Variants in SORBS2 observed in about 807,000 individuals in gnomAD.
SORBS2 encodes the protein sorbin and SH3 domain containing 2.
Under a neutral mutation model 97.7 loss-of-function variants are expected in SORBS2, and 46 were observed. That is an observed-to-expected ratio of 0.47 (90% CI 0.37 to 0.60). The LOEUF (loss-of-function observed/expected upper bound fraction) is 0.60, where lower values mean the gene tolerates loss of function less well. SORBS2 is among the 20% of genes least tolerant of loss of function. The pLI is 0.00. For synonymous variants in SORBS2, 476 were observed against 473.4 expected (o/e 1.01, Z -0.07); for missense variants, 1,316 against 1,282.3 (o/e 1.03, Z -0.40).
intron 1 of SORBS2, among the ~76,000 whole-genome samples, chr4:185,808,635 G>A (rs566096900): frequency 2.0e-5 from 3 of 152,282 alleles, no homozygotes; most frequent in African/African-American, 7.2e-5. Context: ...CATAACTAGT[G>A]TAACGTAACT....
intron 1 of SORBS2, among the ~76,000 whole-genome samples, chr4:185,780,402 T>C (rs1308671214): frequency 6.6e-6 from 1 of 152,184 alleles, no homozygotes; most frequent in Admixed American, 6.5e-5. Flanking sequence ...CTGGTAGCTC[T>C]GGGCACGTAG....
At chr4:185,743,847 TCC>T (rs1400482084) in intron 2 of SORBS2, among the ~76,000 whole-genome samples, 3 of 151,160 alleles carry the variant, frequency 2.0e-5, no homozygotes, top group Non-Finnish European at 4.4e-5. Context: ...CTCCTCCTCC[TCC>T]TTCTATTTTC....
At chr4:185,876,307 T>C (rs1369660628) in intron 1 of SORBS2, among the ~76,000 whole-genome samples, 1 of 152,038 alleles carries the variant, frequency 6.6e-6, no homozygotes, top group Non-Finnish European at 1.5e-5. Flanking sequence ...GGAGTTTAAC[T>C]ATATTGGCCA....
intron 1 of SORBS2, among the ~76,000 whole-genome samples, chr4:185,653,379 C>T (rs188620408): frequency 2.0e-5 from 3 of 152,172 alleles, no homozygotes; most frequent in Admixed American, 6.5e-5. Flanking sequence ...GAAGTCCTTA[C>T]GGATCCAGGC....
intron 2 of SORBS2, among the ~76,000 whole-genome samples, chr4:185,686,575 AGACAAGTGC>A (rs1361231873): frequency 2.2e-4 from 34 of 152,338 alleles, no homozygotes; most frequent in African/African-American, 7.9e-4. Flanking sequence ...AAGTGCTTAG[AGACAAGTGC>A]GTCTGATAAG....
intron 1 of SORBS2, among the ~76,000 whole-genome samples, chr4:185,827,861 CCAT>C (rs535791420): frequency 2.5e-3 from 368 of 148,686 alleles, no homozygotes; most frequent in Admixed American, 6.1e-3. Context: ...ATCAGCGTCA[CCAT>C]CATCATCATC....
intron 1 of SORBS2, among the ~76,000 whole-genome samples, chr4:185,815,663 GGA>G (rs151195751): frequency 0.011 from 1,680 of 151,238 alleles, 23 homozygotes; most frequent in East Asian, 0.043. Flanking sequence ...ACATATATAT[GGA>G]GAGAGAGAGA....
chr4:185,932,974 A>G (rs2099267182), intron 1 of SORBS2: 2 of 152,252 alleles, frequency 1.3e-5, no homozygotes, highest in African/African-American at 4.8e-5. Flanking sequence ...CTGATTCAAA[A>G]TGCTTCTCCT....
intron 4 of SORBS2, among the ~76,000 whole-genome samples, chr4:185,631,183 T>C (rs1476924183): frequency 6.6e-6 from 1 of 152,194 alleles, no homozygotes; most frequent in Admixed American, 6.5e-5. Flanking sequence ...ATAAAGTACC[T>C]GGTACTTCAA....
In SORBS2 at chr4:185,833,579, A is replaced by G. The variant is rs140099570; in HGVS notation, c.-337-58213T>C. On this transcript the variant is annotated intron_variant, in intron 1 of 20. Transcript: ENST00000284776. ...ATACTTTGGATAATAGATTACTACA[A>G]TACACAAAATACAAAAGGATTATCA... 2.6e-5 allele frequency among the ~76,000 whole-genome samples: 4 copies of G among 152,370 alleles called. No individual in the cohort carries two copies. In the East Asian group the frequency reaches 7.7e-4, roughly 29 times the overall value.
intron 1 of SORBS2, among the ~76,000 whole-genome samples, chr4:185,794,999 T>G (rs1476154428): frequency 6.6e-6 from 1 of 152,130 alleles, no homozygotes; most frequent in Non-Finnish European, 1.5e-5. Context: ...TGATTCACAG[T>G]AGGCAAGAGT....
intron 1 of SORBS2, among the ~76,000 whole-genome samples, chr4:185,884,641 A>G (rs976172114): frequency 2.6e-5 from 4 of 152,190 alleles, no homozygotes; most frequent in Non-Finnish European, 5.9e-5. Context: ...CTGAGCAGGC[A>G]GTTGACCACT....
At chr4:185,678,876 C>G (rs2097833904) in intron 2 of SORBS2, 54 bp from the exon 6 acceptor site, 1 of 1,112,472 alleles carries the variant, frequency 9.0e-7, no homozygotes, top group Admixed American at 3.4e-5. Flanking sequence ...AATGAACAAC[C>G]CAGTAAAAAT....
chr4:185,694,392 G>A (rs1247485463), intron 2 of SORBS2, among the ~76,000 whole-genome samples: 1 of 152,178 alleles, frequency 6.6e-6, no homozygotes, highest in African/African-American at 2.4e-5. Flanking sequence ...ACTACCTTGA[G>A]CCTTAGCAGA....
At chr4:185,733,752 T>A (rs1421562119) in intron 2 of SORBS2, among the ~76,000 whole-genome samples, 1 of 152,110 alleles carries the variant, frequency 6.6e-6, no homozygotes, top group Non-Finnish European at 1.5e-5. Flanking sequence ...TAAGGCAGAG[T>A]GAAGAATTCA....
Position 185,729,991 on chromosome 4 carries a change from C to T in SORBS2, c.-198+45236G>A, listed in dbSNP as rs976121523. On this transcript the variant is annotated intron_variant, in intron 2 of 20. Transcript: ENST00000284776. ...TTTTTGAGATGGAGTCTTGCTCTAT[C>T]GCCCAGACTGGAGTGCAGTAGAGCC... is the stretch of plus-strand genomic sequence containing the variant. Among the ~76,000 whole-genome samples the T allele has an allele frequency of 8.6e-5, 13 of 151,968 alleles. No homozygotes were observed. The East Asian group carries it at 1.5e-3, about 18-fold the overall frequency.
chr4:185,658,821 C>T (rs1474061545), upstream of SORBS2, among the ~76,000 whole-genome samples: 2 of 151,266 alleles, frequency 1.3e-5, no homozygotes, highest in Non-Finnish European at 2.9e-5. Context: ...GCTGGGACTA[C>T]AGGTGCGTGC....
chr4:185,806,434 C>CTGTTTTTTTTTTTTTT lies in SORBS2; in HGVS notation c.-337-31069_-337-31068insAAAAAAAAAAAAAACA, dbSNP rs2099153884. ...AGTGGCACAGCTCTTGGCTAGAATC[C>CTGTTTTTTTTTTTTTT]TATTTTTTTTTTTTTTTTTTTTTTT... is the stretch of plus-strand genomic sequence containing the variant. On this transcript the variant is annotated intron_variant, in intron 1 of 20. Transcript: ENST00000284776. Among the ~76,000 whole-genome samples the CTGTTTTTTTTTTTTTT allele has an allele frequency of 1.6e-4, 17 of 108,150 alleles. 7 individuals carry two copies. Among genetic ancestry groups the CTGTTTTTTTTTTTTTT allele is most frequent in the African/African-American group, 4.0e-4 (11 of 27,296 alleles). 71.0% of individuals were successfully genotyped at this position (108,150 alleles called of 152,430 possible). A position where few individuals can be genotyped will look rare whatever the true frequency, so the allele number is the denominator to read the frequency against.
intron 13 of SORBS2, chr4:185,593,096 C>G (rs2095994301): frequency 6.6e-6 from 1 of 152,398 alleles, no homozygotes; most frequent in South Asian, 2.1e-4. Context: ...AGAGTGTGGG[C>G]AGTGGGTCAG....
Sources: allele counts gnomAD v4.1 joint callset (sites outside exome capture counted in the v4.1 genomes callset), GRCh38; gene constraint gnomAD v4.1.1; transcripts MANE v1.5; gene names NCBI Gene and HGNC (gene_info 2026-07-23, HGNC 2026-07-21).